The following USP20 variants were observed in gnomAD, a reference collection of about 807,000 sequenced individuals.
The protein encoded by USP20 is ubiquitin carboxyl-terminal hydrolase 20.
A neutral mutation model predicts 124.2 loss-of-function variants in USP20; 80 were observed. The ratio of observed to expected loss-of-function variants is 0.64; its 90% confidence interval spans 0.54 to 0.78. The LOEUF is 0.78. USP20 is among the 30% of genes least tolerant of loss of function. The pLI, the probability that USP20 is intolerant of heterozygous loss-of-function variation, is 0.00. For synonymous variants in USP20, 481 were observed against 512.3 expected, an observed-to-expected ratio of 0.94 and a Z score of 0.83; for missense variants, 1,043 against 1,244.4, an observed-to-expected ratio of 0.84 and a Z score of 2.44.
chr9:129,866,479 G>T (rs898882671), intron 10 of USP20, among the ~76,000 whole-genome samples: 1 of 152,186 alleles, frequency 6.6e-6, no homozygotes, highest in African/African-American at 2.4e-5. Context: ...CCTCACCCAG[G>T]TCACACAGCA....
Position 129,874,740 on chromosome 9 carries a change from C to T in USP20, c.1905C>T (p.His635=), listed in dbSNP as rs2034304730. The T allele has an allele frequency of 6.2e-7, 1 of 1,613,930 alleles. No individual in the cohort carries two copies. Among genetic ancestry groups the T allele is most frequent in the Non-Finnish European group, 8.5e-7 (1 of 1,180,010 alleles). ...ACGACCTCCTCTCGGTCATCTGCCA[C>T]CACGGCACGGCAGGCAGTGAGTCAT... is the stretch of plus-strand genomic sequence containing the variant. ...TTYDLLSVIC[H]HGTAGSGHYI... Residue 635 remains histidine, a synonymous_variant, in exon 18 of 26, where the codon CAC becomes CAT. Coordinates refer to ENST00000372429, the MANE Select transcript of USP20 (RefSeq NM_001110303.4).
intron 17 of USP20, among the ~76,000 whole-genome samples, chr9:129,873,993 T>G (rs2034262984): frequency 6.6e-6 from 1 of 152,010 alleles, no homozygotes; most frequent in Non-Finnish European, 1.5e-5. Context: ...GAGGGCCCAA[T>G]GGGAGGCAGG....
rs1367286900 is a variant in USP20, at chr9:129,870,520, G to A, written c.1633G>A (p.Ala545Thr). Residue 545 changes from alanine to threonine, a missense_variant, in exon 15 of 26, where the codon GCC becomes ACC. Physicochemically the swap from Ala to Thr is moderately conservative, Grantham distance 58. Coordinates refer to ENST00000372429, the MANE Select transcript of USP20 (RefSeq NM_001110303.4). The stretch of plus-strand genomic sequence containing the variant: ...CGTCACCCTGGAAGACTGCCTTGCT[G>A]CCTTCTTTGCCGCTGATGAGTTAAA... Reference protein sequence around the residue: ...PVVTLEDCLAAFFAADELKGD... With the variant: ...PVVTLEDCLATFFAADELKGD... 6.2e-7 allele frequency: 1 copy of A among 1,614,028 alleles called. No homozygotes were observed. The highest frequency in any genetic ancestry group is 1.3e-5 in the African/African-American group (1 of 74,918).
intron 17 of USP20, 27 bp downstream of exon 17, chr9:129,873,771 T>A: frequency 6.2e-7 from 1 of 1,608,540 alleles, no homozygotes. Flanking sequence ...GGCAGCCTCC[T>A]CCTCAGCTAT....
chr9:129,876,335 A>T, intron 22 of USP20, 97 bp downstream of exon 22: 1 of 1,026,568 alleles, frequency 9.7e-7, no homozygotes, highest in Non-Finnish European at 1.5e-6. Flanking sequence ...GTCCCTGAGC[A>T]AGTTTGAAAG....
At chr9:129,837,559 C>T (rs1214262390) in intron 1 of USP20, among the ~76,000 whole-genome samples, 2 of 152,132 alleles carry the variant, frequency 1.3e-5, no homozygotes, top group African/African-American at 4.8e-5. Flanking sequence ...AGGCACTGTT[C>T]TAAGTGCTTG....
Position 129,872,300 on chromosome 9 carries a change from G to A in USP20, c.1661-1182G>A, listed in dbSNP as rs147440586. Among the ~76,000 whole-genome samples, 468 of 151,874 alleles carry A rather than the reference G, an allele frequency of 3.1e-3. 3 individuals are homozygous for A. The highest frequency in any genetic ancestry group is 6.8e-3 in the Middle Eastern group (2 of 292). On this transcript the variant is annotated intron_variant, in intron 15 of 25. Transcript: ENST00000372429. ...CCCGAGTAGCTGGGATTATAGGCAC[G>A]TGCCACCACACCTGGCTAATTTTTG...
chr9:129,861,152 G>A, intron 7 of USP20, 119 bp downstream of exon 7: 2 of 963,188 alleles, frequency 2.1e-6, no homozygotes, highest in Admixed American at 2.2e-5. Context: ...AGGAAGGATG[G>A]GGTGACGGAT....
intron 1 of USP20, among the ~76,000 whole-genome samples, chr9:129,842,080 T>C (rs1441484035): frequency 2.6e-5 from 4 of 152,198 alleles, no homozygotes; most frequent in African/African-American, 9.6e-5. Flanking sequence ...AGAAAGTCCA[T>C]GAGGCCCTAA....
At chr9:129,864,509 C>T (rs1318236841) in intron 9 of USP20, among the ~76,000 whole-genome samples, 5 of 150,518 alleles carry the variant, frequency 3.3e-5, no homozygotes, top group African/African-American at 4.9e-5. Flanking sequence ...TGTGCAGTGG[C>T]TCACTCCTGT....
At chr9:129,878,531 C>A in intron 23 of USP20, 91 bp downstream of exon 23, 1 of 1,181,724 alleles carries the variant, frequency 8.5e-7, no homozygotes, top group Non-Finnish European at 1.2e-6. Flanking sequence ...ACAGGGGCTC[C>A]TGCAGGCCCC....
intron 1 of USP20, among the ~76,000 whole-genome samples, chr9:129,845,184 C>G (rs541757256): frequency 2.6e-5 from 4 of 152,222 alleles, no homozygotes; most frequent in African/African-American, 9.6e-5. Flanking sequence ...TCTGGGACCA[C>G]TCAGATGCTC....
intron 9 of USP20, among the ~76,000 whole-genome samples, chr9:129,863,927 G>A (rs2033688780): frequency 2.0e-5 from 3 of 151,536 alleles, no homozygotes; most frequent in South Asian, 4.1e-4. Flanking sequence ...CCAACATGGT[G>A]AAACCCCGTG....
At chr9:129,864,409 T>C (rs1214760044) in intron 9 of USP20, among the ~76,000 whole-genome samples, 1 of 146,486 alleles carries the variant, frequency 6.8e-6, no homozygotes, top group Non-Finnish European at 1.5e-5. Flanking sequence ...TGAGGCAGGC[T>C]GCAGTGAGCT....
At chr9:129,858,154 GCCTGGGGTTCAAA>G in intron 5 of USP20, 42 bp downstream of exon 5, 1 of 1,603,326 alleles carries the variant, frequency 6.2e-7, no homozygotes, top group Non-Finnish European at 8.5e-7. Context: ...CAGTTAGATG[GCCTGGGGTTCAAA>G]CCCCAGCTCC....
chr9:129,837,368 A>G (rs2031921337), intron 1 of USP20, among the ~76,000 whole-genome samples: 1 of 152,154 alleles, frequency 6.6e-6, no homozygotes, highest in Admixed American at 6.5e-5. Flanking sequence ...TTGGTTTCCT[A>G]GCTCCTTTCT....
At chr9:129,856,626 A>C (rs546031518) in intron 4 of USP20, among the ~76,000 whole-genome samples, 63 of 152,376 alleles carry the variant, frequency 4.1e-4, no homozygotes, top group African/African-American at 1.4e-3. Flanking sequence ...TTCATAGGAC[A>C]GTATTCTAGC....
At position 129,852,617 on chromosome 9, in the gene USP20, A is replaced by G. The variant is rs1197278537; in HGVS notation, c.62A>G (p.Asp21Gly). 1 of 1,595,316 alleles carries G rather than the reference A, an allele frequency of 6.3e-7. No homozygotes were observed. The highest frequency in any genetic ancestry group is 8.5e-7 in the Non-Finnish European group (1 of 1,169,920). Residue 21 changes from aspartate (D) to glycine (G), a missense_variant, in exon 3 of 26, where the codon GAC (aspartate) becomes GGC (glycine). Transcript: ENST00000372429. The part of the protein sequence containing the change: ...LDSIGEVTKE[D>G]LLLKSKGTCQ... ...TCCATAGGAGAGGTGACCAAAGAGG[A>G]CTTGCTGCTCAAATCTAAGGTAAAG...
chr9:129,852,689 C>G, intron 3 of USP20, 53 bp downstream of exon 3: 1 of 1,526,994 alleles, frequency 6.5e-7, no homozygotes, highest in Non-Finnish European at 8.9e-7. Context: ...CTGCCTCTTT[C>G]CTGGGGTGTG....
Sources: gnomAD v4.1 joint callset for allele counts (sites outside exome capture counted in the v4.1 genomes callset) on GRCh38, gnomAD v4.1.1 for gene constraint, MANE v1.5 for transcripts, NCBI Gene and HGNC (gene_info 2026-07-23, HGNC 2026-07-21) for gene names.